Variants in PPP2R2C observed in about 807,000 individuals in gnomAD.
PPP2R2C encodes protein phosphatase 2 regulatory subunit Bgamma.
Under a neutral mutation model 45.3 loss-of-function variants are expected in PPP2R2C, and 10 were observed. The ratio of observed to expected loss-of-function variants is 0.22; its 90% CI spans 0.14 to 0.37. The LOEUF (loss-of-function observed/expected upper bound fraction) is 0.37. Among genes scored for constraint, PPP2R2C ranks in the 10% least tolerant of loss-of-function variants. The pLI, the probability that PPP2R2C is intolerant of heterozygous loss-of-function variation, is 1.00. For synonymous variants in PPP2R2C, 257 were observed against 245.4 expected (o/e 1.05, Z -0.44); for missense variants, 308 against 619.7 (o/e 0.50, Z 5.34).
intron 2 of PPP2R2C, among the ~76,000 whole-genome samples, chr4:6,477,979 T>A (rs572431746): frequency 2.0e-5 from 3 of 152,048 alleles, no homozygotes; most frequent in Non-Finnish European, 2.9e-5. Flanking sequence ...TTCAGATGTT[T>A]CCAGGCTCCC....
chr4:6,425,231 G>A (rs1426961190), intron 1 of PPP2R2C, among the ~76,000 whole-genome samples: 1 of 151,928 alleles, frequency 6.6e-6, no homozygotes, highest in African/African-American at 2.4e-5. Context: ...TCCACCTGTC[G>A]GCCCCTCCCA....
intron 5 of PPP2R2C, among the ~76,000 whole-genome samples, chr4:6,369,207 T>C (rs1173069807): frequency 6.6e-6 from 1 of 152,230 alleles, no homozygotes; most frequent in East Asian, 1.9e-4. Context: ...ATTAACGATG[T>C]CGCTCCTCAG....
At chr4:6,531,296 G>A (rs879722009) in intron 2 of PPP2R2C, among the ~76,000 whole-genome samples, 7 of 152,186 alleles carry the variant, frequency 4.6e-5, no homozygotes, top group Non-Finnish European at 1.0e-4. Context: ...AGGCTGCAGG[G>A]GCCCAGGGGT....
intron 6 of PPP2R2C, among the ~76,000 whole-genome samples, chr4:6,339,715 T>A (rs578106366): frequency 1.1e-4 from 17 of 149,396 alleles, no homozygotes; most frequent in Admixed American, 9.3e-4. Flanking sequence ...TGGGTGGAGG[T>A]GGGAAACATG....
chr4:6,487,811 C>T (rs1449875014), intron 2 of PPP2R2C, among the ~76,000 whole-genome samples: 2 of 151,790 alleles, frequency 1.3e-5, no homozygotes, highest in East Asian at 1.9e-4. Context: ...TCTGTCCCTT[C>T]CTCTCCTCTC....
rs147928154 is a variant in PPP2R2C, at chr4:6,401,844, T to A, written c.71-20750A>T. On this transcript the variant is annotated intron_variant, in intron 1 of 8. Transcript: ENST00000382599. ...AATCTGGTGGGAGAGGGGGGGTATC[T>A]GCCATGGAAGCTACCTGCCGATGCC... 2.0e-3 allele frequency among the ~76,000 whole-genome samples: 300 copies of A among 152,286 alleles called. 1 individual carries two copies. The highest frequency in any genetic ancestry group is 6.6e-3 in the African/African-American group (274 of 41,560).
At chr4:6,377,991 G>A (rs1470041624) in intron 3 of PPP2R2C, among the ~76,000 whole-genome samples, 2 of 152,224 alleles carry the variant, frequency 1.3e-5, no homozygotes, top group African/African-American at 4.8e-5. Context: ...TCGGCGTGGG[G>A]AGGAGGGGTT....
At chr4:6,480,329 G>A (rs1281073659) in intron 2 of PPP2R2C, among the ~76,000 whole-genome samples, 2 of 152,084 alleles carry the variant, frequency 1.3e-5, no homozygotes, top group Non-Finnish European at 1.5e-5. Context: ...AACAATCAAT[G>A]GTGTGCCGGA....
At chr4:6,381,484 G>C in intron 1 of PPP2R2C, 2 of 1,371,386 alleles carry the variant, frequency 1.5e-6, no homozygotes, top group Non-Finnish European at 1.9e-6. Flanking sequence ...CCATGCTCCA[G>C]CAACCTGGGT....
intron 1 of PPP2R2C, among the ~76,000 whole-genome samples, chr4:6,546,314 C>T (rs1724982245): frequency 6.6e-6 from 1 of 152,156 alleles, no homozygotes; most frequent in South Asian, 2.1e-4. Context: ...GGAGGGGGTG[C>T]ACTGGAGGGG....
chr4:6,561,364 T>C (rs1172785196), intron 1 of PPP2R2C, among the ~76,000 whole-genome samples: 1 of 151,778 alleles, frequency 6.6e-6, no homozygotes, highest in Non-Finnish European at 1.5e-5. Flanking sequence ...CAGGAGAAAG[T>C]GAGCACTTTT....
chr4:6,369,691 C>A (rs115307966), intron 5 of PPP2R2C, among the ~76,000 whole-genome samples: 3,179 of 152,298 alleles, frequency 0.021, 51 homozygotes, highest in Non-Finnish European at 0.035. Context: ...TGCCCTCAGG[C>A]AGCCTCCTCG....
At chr4:6,540,959 C>T (rs1287121067) in intron 1 of PPP2R2C, among the ~76,000 whole-genome samples, 2 of 152,254 alleles carry the variant, frequency 1.3e-5, no homozygotes, top group African/African-American at 2.4e-5. Context: ...CTCCAGATCC[C>T]TTCTGTCTAT....
chr4:6,344,001 C>T (rs770186154), intron 6 of PPP2R2C, among the ~76,000 whole-genome samples: 23 of 152,220 alleles, frequency 1.5e-4, no homozygotes, highest in African/African-American at 4.3e-4. Context: ...ATCACTGGTG[C>T]GGGCAAGAGC....
At chr4:6,416,897 G>T (rs567012549) in intron 1 of PPP2R2C, among the ~76,000 whole-genome samples, 36 of 152,316 alleles carry the variant, frequency 2.4e-4, no homozygotes, top group African/African-American at 8.7e-4. Context: ...GAGACTGACT[G>T]ACGCTGGAGT....
intron 1 of PPP2R2C, among the ~76,000 whole-genome samples, chr4:6,442,017 C>T (rs113998270): frequency 2.0e-5 from 3 of 152,232 alleles, no homozygotes; most frequent in African/African-American, 7.2e-5. Context: ...GGACACAGCC[C>T]CATCAAAGCC....
intron 1 of PPP2R2C, among the ~76,000 whole-genome samples, chr4:6,454,539 G>C (rs886319259): frequency 2.0e-5 from 3 of 152,176 alleles, no homozygotes; most frequent in Non-Finnish European, 2.9e-5. Context: ...GTGTGAGTGA[G>C]ACCATCTCAG....
intron 2 of PPP2R2C, among the ~76,000 whole-genome samples, chr4:6,483,714 G>T (rs1349480038): frequency 6.6e-6 from 1 of 151,988 alleles, no homozygotes; most frequent in African/African-American, 2.4e-5. Flanking sequence ...GAGAATTTCT[G>T]TCAGTCTAGG....
intron 1 of PPP2R2C, among the ~76,000 whole-genome samples, chr4:6,421,773 C>T (rs919434174): frequency 6.6e-6 from 1 of 152,234 alleles, no homozygotes; most frequent in Admixed American, 6.5e-5. Context: ...GAAAAGAAGT[C>T]ACAGTTCCTG....
Sources: allele counts gnomAD v4.1 joint callset (sites outside exome capture counted in the v4.1 genomes callset), GRCh38; gene constraint gnomAD v4.1.1; transcripts MANE v1.5; gene names NCBI Gene and HGNC (gene_info 2026-07-23, HGNC 2026-07-21).